ANXA3: variants seen among roughly 807,000 people sequenced by gnomAD.
The protein encoded by ANXA3 is 35-alpha calcimedin.
A neutral mutation model predicts 48.8 loss-of-function variants in ANXA3; 46 were observed. That is an observed-to-expected ratio of 0.94 (90% CI 0.74 to 1.21). The LOEUF is 1.21. Among genes scored for constraint, ANXA3 ranks in the 50% most tolerant of loss-of-function variants. The pLI is 0.00. For synonymous variants in ANXA3, 128 were observed against 134.7 expected, an observed-to-expected ratio of 0.95 and a Z score of 0.35; for missense variants, 383 against 378.6, an observed-to-expected ratio of 1.01 and a Z score of -0.10.
chr4:78,572,995 C>T (rs573772140), intron 2 of ANXA3, 185 bp from the exon 3 acceptor site: 5 of 706,788 alleles, frequency 7.1e-6, no homozygotes, highest in South Asian at 5.7e-5. Flanking sequence ...TGGAGTCAAC[C>T]ATGTCAGATT....
At chr4:78,583,070 G>A (rs1723104643) in intron 5 of ANXA3, among the ~76,000 whole-genome samples, 2 of 152,178 alleles carry the variant, frequency 1.3e-5, no homozygotes, top group South Asian at 4.1e-4. Flanking sequence ...CAGGTGCTGT[G>A]GCTCTTGCCT....
chr4:78,604,998 A>G (rs1578405850), intron 12 of ANXA3, among the ~76,000 whole-genome samples: 1 of 152,370 alleles, frequency 6.6e-6, no homozygotes, highest in Non-Finnish European at 1.5e-5. Flanking sequence ...GATTTCTGAG[A>G]CAGATATAAA....
chr4:78,557,583 T>A (rs1442800845), intron 2 of ANXA3, among the ~76,000 whole-genome samples: 38 of 151,226 alleles, frequency 2.5e-4, no homozygotes, highest in Admixed American at 2.5e-3. Context: ...AGGAAAGAGG[T>A]GGGGAGGGGC....
chr4:78,608,649 T>C (rs1419467645), intron 12 of ANXA3, among the ~76,000 whole-genome samples: 1 of 152,186 alleles, frequency 6.6e-6, no homozygotes, highest in Admixed American at 6.5e-5. Context: ...ATAGCAAGGA[T>C]GACACTCAAG....
chr4:78,583,061 A>G (rs894915964), intron 5 of ANXA3, among the ~76,000 whole-genome samples: 1 of 152,204 alleles, frequency 6.6e-6, no homozygotes, highest in Non-Finnish European at 1.5e-5. Flanking sequence ...TTGTAAGGCC[A>G]GGTGCTGTGG....
At chr4:78,603,043 C>A (rs1214589319) in intron 11 of ANXA3, 11 of 152,358 alleles carry the variant, frequency 7.2e-5, no homozygotes, top group Admixed American at 7.2e-4. Flanking sequence ...GAGAGGTCTC[C>A]CCTAACTGTA....
chr4:78,576,817 G>T (rs1244128409), intron 3 of ANXA3, among the ~76,000 whole-genome samples: 2 of 152,288 alleles, frequency 1.3e-5, no homozygotes, highest in East Asian at 3.9e-4. Flanking sequence ...GGATGGGTCA[G>T]ACACAGTCTC....
intron 2 of ANXA3, among the ~76,000 whole-genome samples, chr4:78,567,700 C>T (rs370794659): frequency 1.3e-5 from 2 of 152,208 alleles, no homozygotes; most frequent in African/African-American, 4.8e-5. Context: ...TTAGTTAGTA[C>T]AGCTTGCTAA....
chr4:78,574,778 T>A (rs1378338802), intron 3 of ANXA3, among the ~76,000 whole-genome samples: 1 of 152,242 alleles, frequency 6.6e-6, no homozygotes, highest in South Asian at 2.1e-4. Context: ...TTAAATTGCC[T>A]ACAATTCTTT....
In ANXA3 at chr4:78,610,053, C is replaced by T. The variant is rs758287162; in HGVS notation, c.913-3C>T. The stretch of plus-strand genomic sequence containing the variant: ...TGTTCTTCATTGATTTTATTCTTTG[C>T]AGTCGGATACTTCTGGAGACTATGA... On this transcript the variant is annotated splice_polypyrimidine_tract_variant and splice_region_variant and intron_variant, in intron 12 of 12. Coordinates refer to ENST00000264908, the MANE Select transcript of ANXA3 (RefSeq NM_005139.3). 2 of 1,601,946 alleles carry T rather than the reference C, an allele frequency of 1.2e-6. No individual in the cohort carries two copies. Among genetic ancestry groups the T allele is most frequent in the Non-Finnish European group, 1.7e-6 (2 of 1,170,926 alleles).
intron 5 of ANXA3, 21 bp from the exon 6 acceptor site, chr4:78,586,239 A>C (rs1723173331): frequency 6.3e-7 from 1 of 1,599,230 alleles, no homozygotes; most frequent in Non-Finnish European, 8.6e-7. Context: ...TCTAAAAATT[A>C]GATTTTCTTT....
intron 2 of ANXA3, 62 bp from the exon 3 acceptor site, chr4:78,573,118 C>G (rs777527356): frequency 1.1e-5 from 13 of 1,182,792 alleles, no homozygotes; most frequent in Non-Finnish European, 1.5e-5. Context: ...AAGGAATATG[C>G]ATATGTAATA....
intron 2 of ANXA3, among the ~76,000 whole-genome samples, chr4:78,559,527 A>C (rs977114872): frequency 7.2e-5 from 11 of 152,248 alleles, no homozygotes; most frequent in Non-Finnish European, 1.3e-4. Context: ...CTACTCTGCA[A>C]CCAAGGGATA....
intron 2 of ANXA3, among the ~76,000 whole-genome samples, chr4:78,561,558 G>A (rs940815960): frequency 6.6e-6 from 1 of 152,086 alleles, no homozygotes; most frequent in Admixed American, 6.6e-5. Flanking sequence ...TTCCTGATGT[G>A]ATTGCTCTTC....
At chr4:78,584,202 A>T (rs150939565) in intron 5 of ANXA3, among the ~76,000 whole-genome samples, 156 of 152,284 alleles carry the variant, frequency 1.0e-3, no homozygotes, top group African/African-American at 3.6e-3. Flanking sequence ...TTTTTGAGAC[A>T]AGGTCTCGCT....
chr4:78,586,575 T>G (rs1385268866), intron 6 of ANXA3, among the ~76,000 whole-genome samples: 1 of 152,346 alleles, frequency 6.6e-6, no homozygotes, highest in East Asian at 1.9e-4. Context: ...TGCTTTACAT[T>G]TATAATATTA....
chr4:78,597,964 A>G (rs866744369), intron 10 of ANXA3, among the ~76,000 whole-genome samples: 1 of 152,212 alleles, frequency 6.6e-6, no homozygotes, highest in Non-Finnish European at 1.5e-5. Flanking sequence ...TCTTGTGACC[A>G]TGTTTAGCTT....
At chr4:78,560,649 GCC>G (rs1256888526) in intron 2 of ANXA3, among the ~76,000 whole-genome samples, 2 of 152,196 alleles carry the variant, frequency 1.3e-5, no homozygotes, top group Non-Finnish European at 2.9e-5. Flanking sequence ...TCAATATCCA[GCC>G]CCTCTTTCCT....
At chr4:78,586,148 T>C (rs1172979628) in intron 5 of ANXA3, 112 bp from the exon 6 acceptor site, 1 of 634,894 alleles carries the variant, frequency 1.6e-6, no homozygotes, top group Middle Eastern at 3.8e-4. Flanking sequence ...GAACCTTGTA[T>C]TGATTTACTT....
Sources: allele counts gnomAD v4.1 joint callset (sites outside exome capture counted in the v4.1 genomes callset), GRCh38; gene constraint gnomAD v4.1.1; transcripts MANE v1.5; gene names NCBI Gene and HGNC (gene_info 2026-07-23, HGNC 2026-07-21).